The following SPTLC1 variants were observed in gnomAD, a reference collection of about 807,000 sequenced individuals.
SPTLC1 encodes serine palmitoyltransferase long chain base subunit 1.
SPTLC1 carries 55 observed loss-of-function variants against 68.9 expected under a neutral mutation model. The ratio of observed to expected loss-of-function variants is 0.80; its 90% CI spans 0.64 to 1.00. The LOEUF is 1.00. Ranked by LOEUF, SPTLC1 falls within the 50% of genes least tolerant of loss-of-function variation. SPTLC1 has a pLI of 0.00. For synonymous variants in SPTLC1, 197 were observed against 201.6 expected (o/e 0.98, Z 0.19); for missense variants, 449 against 573.1 (o/e 0.78, Z 2.21).
intron 8 of SPTLC1, chr9:92,054,068 G>A (rs1833799649): frequency 2.3e-6 from 1 of 443,842 alleles, no homozygotes; most frequent in Admixed American, 6.4e-5. Context: ...GATCACCTGA[G>A]GTTGGGAGTT....
chr9:92,077,970 C>T (rs764980698), intron 5 of SPTLC1, among the ~76,000 whole-genome samples: 4 of 152,166 alleles, frequency 2.6e-5, no homozygotes, highest in Admixed American at 6.5e-5. Context: ...TCCCTCCTCA[C>T]CATCTCCAAT....
intron 12 of SPTLC1, among the ~76,000 whole-genome samples, chr9:92,039,621 T>C (rs190263945): frequency 1.3e-5 from 2 of 152,350 alleles, no homozygotes; most frequent in Admixed American, 6.5e-5. Flanking sequence ...CTAAACATTT[T>C]AGATTCCTTT....
chr9:92,068,125 T>C, intron 5 of SPTLC1, 27 bp from the exon 6 acceptor site: 1 of 1,603,608 alleles, frequency 6.2e-7, no homozygotes, highest in Non-Finnish European at 8.5e-7. Context: ...AGTTAAATGG[T>C]TAAACTGCCT....
chr9:92,039,416 CTAT>C (rs57709426), intron 12 of SPTLC1, among the ~76,000 whole-genome samples: 3 of 151,418 alleles, frequency 2.0e-5, no homozygotes, highest in African/African-American at 7.3e-5. Flanking sequence ...TGTCATACTA[CTAT>C]TATTATTATT....
chr9:92,056,020 T>TACAGGGGGCTTCACTATAC (rs1478965499), intron 7 of SPTLC1, among the ~76,000 whole-genome samples: 1 of 152,160 alleles, frequency 6.6e-6, no homozygotes, highest in Non-Finnish European at 1.5e-5. Context: ...GGGAGAAGGG[T>TACAGGGGGCTTCACTATAC]ACAGGGGGCT....
intron 5 of SPTLC1, chr9:92,076,677 A>C (rs964101533): frequency 6.6e-6 from 1 of 152,180 alleles, no homozygotes; most frequent in Admixed American, 6.5e-5. Flanking sequence ...CCACTCTACT[A>C]CCCCATCAAG....
At chr9:92,052,630 A>G (rs1490074445) in intron 8 of SPTLC1, among the ~76,000 whole-genome samples, 1 of 151,968 alleles carries the variant, frequency 6.6e-6, no homozygotes, top group African/African-American at 2.4e-5. Flanking sequence ...CCCAGGTTCA[A>G]GCAATTCTCC....
Position 92,055,438 on chromosome 9 carries a change from C to A in SPTLC1, c.747G>T (p.Met249Ile). The A allele has an allele frequency of 6.2e-7, 1 of 1,613,620 alleles. No individual in the cohort carries two copies. The highest frequency in any genetic ancestry group is 1.1e-5 in the South Asian group (1 of 91,054). ...GAAGAGGACAAATAGTTCCAGTATT[C>A]ATATACAATCCTTCTACTACAATGA... ...RRFIVVEGLY[M>I]NTGTICPLPE... The change falls in exon 8 of 15, where the codon ATG (methionine) becomes ATT (isoleucine). Residue 249 changes from methionine (M) to isoleucine (I), a missense_variant. Transcript: ENST00000262554.
intron 14 of SPTLC1, 134 bp from the exon 15 acceptor site, chr9:92,032,692 C>T (rs1390451143): frequency 1.3e-5 from 15 of 1,173,902 alleles, no homozygotes; most frequent in Non-Finnish European, 1.7e-5. Context: ...CTGGCTAACA[C>T]AGTGAAACCC....
intron 13 of SPTLC1, among the ~76,000 whole-genome samples, chr9:92,037,896 C>T (rs1823453996): frequency 6.6e-6 from 1 of 152,176 alleles, no homozygotes; most frequent in South Asian, 2.1e-4. Flanking sequence ...CCCAACTACA[C>T]ATAGGAAAGC....
At chr9:92,108,569 T>C (rs1410886376) in intron 3 of SPTLC1, 171 bp downstream of exon 3, 3 of 887,854 alleles carry the variant, frequency 3.4e-6, no homozygotes, top group Admixed American at 5.6e-5. Context: ...AAAATGCCTG[T>C]ATCATCCCTA....
chr9:92,057,806 C>T (rs140224152), intron 7 of SPTLC1, among the ~76,000 whole-genome samples: 4 of 152,166 alleles, frequency 2.6e-5, no homozygotes, highest in Admixed American at 2.0e-4. Flanking sequence ...ACTTAGAAAG[C>T]CTGCTCTCAG....
intron 3 of SPTLC1, among the ~76,000 whole-genome samples, chr9:92,092,896 T>C (rs1394427531): frequency 6.6e-6 from 1 of 152,240 alleles, no homozygotes; most frequent in Non-Finnish European, 1.5e-5. Context: ...TGAAACTCTT[T>C]ACTGCTTTTA....
chr9:92,111,037 T>C (rs550371646), intron 2 of SPTLC1: 2 of 152,292 alleles, frequency 1.3e-5, no homozygotes, highest in South Asian at 4.1e-4. Flanking sequence ...TTCTGACGCA[T>C]TAACATCACC....
chr9:92,053,251 C>T (rs893419371), intron 8 of SPTLC1, among the ~76,000 whole-genome samples: 3 of 152,014 alleles, frequency 2.0e-5, no homozygotes, highest in Non-Finnish European at 2.9e-5. Flanking sequence ...AACAAAAAAC[C>T]CTGGAAAATA....
intron 2 of SPTLC1, chr9:92,110,729 A>C (rs2118833737): frequency 6.6e-6 from 1 of 152,244 alleles, no homozygotes; most frequent in South Asian, 2.1e-4. Context: ...TTAAACATGC[A>C]TTTCACTCTA....
At chr9:92,074,828 C>T (rs1317604657) in intron 5 of SPTLC1, among the ~76,000 whole-genome samples, 3 of 152,114 alleles carry the variant, frequency 2.0e-5, no homozygotes, top group African/African-American at 7.2e-5. Context: ...ATCCTCAATA[C>T]CGCCTTCCAC....
intron 3 of SPTLC1, among the ~76,000 whole-genome samples, chr9:92,103,442 T>C (rs1254947793): frequency 6.6e-6 from 1 of 152,226 alleles, no homozygotes; most frequent in East Asian, 1.9e-4. Context: ...GAATAGATGC[T>C]GTATCCATGA....
intron 3 of SPTLC1, among the ~76,000 whole-genome samples, chr9:92,101,344 C>T (rs1352812707): frequency 1.3e-5 from 2 of 151,748 alleles, no homozygotes; most frequent in African/African-American, 2.4e-5. Flanking sequence ...GGGCGGATCA[C>T]GAGGTCAGGA....
Sources: allele counts gnomAD v4.1 joint callset (sites outside exome capture counted in the v4.1 genomes callset), GRCh38; gene constraint gnomAD v4.1.1; transcripts MANE v1.5; gene names NCBI Gene and HGNC (gene_info 2026-07-23, HGNC 2026-07-21).